The following WDHD1 variants were observed in gnomAD, a reference collection of about 807,000 sequenced individuals.
WDHD1 encodes WD repeat and HMG-box DNA binding protein 1.
A neutral mutation model predicts 135.4 loss-of-function variants in WDHD1; 111 were observed. That is an observed-to-expected ratio of 0.82 (90% CI 0.70 to 0.96). The LOEUF is 0.96. Ranked by LOEUF, WDHD1 falls within the 40% of genes least tolerant of loss-of-function variation. The pLI is 0.00. For missense variants in WDHD1, 1,351 were observed against 1,336.3 expected (o/e 1.01, Z -0.17); for synonymous variants, 434 against 439.0 (o/e 0.99, Z 0.14).
At chr14:54,983,849 G>T (rs1372350466) in intron 15 of WDHD1, among the ~76,000 whole-genome samples, 3 of 152,034 alleles carry the variant, frequency 2.0e-5, no homozygotes, top group Non-Finnish European at 4.4e-5. Context: ...AGAAAAAAAG[G>T]ATGAAGTTAA....
chr14:54,968,554 G>A (rs2041381393), intron 16 of WDHD1, among the ~76,000 whole-genome samples: 1 of 151,686 alleles, frequency 6.6e-6, no homozygotes. Flanking sequence ...TCCATACAAA[G>A]GATCAATAAA....
At chr14:54,971,712 CAAAAAAAA>C (rs1195129802) in intron 16 of WDHD1, among the ~76,000 whole-genome samples, 1 of 42,278 alleles carries the variant, frequency 2.4e-5, no homozygotes, top group Non-Finnish European at 4.3e-5. Context: ...GACTCTGCCT[CAAAAAAAA>C]AAAAAAAAAA....
intron 18 of WDHD1, among the ~76,000 whole-genome samples, chr14:54,963,692 C>A (rs1008473975): frequency 1.3e-5 from 2 of 149,952 alleles, no homozygotes; most frequent in East Asian, 2.0e-4. Flanking sequence ...CCCAGCTACT[C>A]GGGAAGCTGA....
chr14:54,982,904 C>T (rs2041641008), intron 15 of WDHD1, among the ~76,000 whole-genome samples: 1 of 152,166 alleles, frequency 6.6e-6, no homozygotes, highest in South Asian at 2.1e-4. Flanking sequence ...GTGGCTCACT[C>T]CTGTAATCCC....
intron 16 of WDHD1, among the ~76,000 whole-genome samples, chr14:54,973,350 C>A (rs943914): frequency 0.34 from 51,041 of 151,924 alleles, 8,862 homozygotes; most frequent in African/African-American, 0.43. Flanking sequence ...AAGTAAGTGA[C>A]AATGTCTAGT....
At chr14:54,996,798 T>C (rs1206471501) in intron 10 of WDHD1, among the ~76,000 whole-genome samples, 1 of 152,160 alleles carries the variant, frequency 6.6e-6, no homozygotes, top group Admixed American at 6.5e-5. Flanking sequence ...TTTTCATTTA[T>C]TTATTTTTTG....
At chr14:54,957,773 C>T in intron 21 of WDHD1, 138 bp from the exon 22 acceptor site, 1 of 658,022 alleles carries the variant, frequency 1.5e-6, no homozygotes. Flanking sequence ...CTATTAACAA[C>T]AGATATCCTC....
At chr14:54,975,793 G>A (rs2041515362) in intron 16 of WDHD1, among the ~76,000 whole-genome samples, 1 of 151,828 alleles carries the variant, frequency 6.6e-6, no homozygotes, top group Non-Finnish European at 1.5e-5. Context: ...TGTCTTTTAA[G>A]TAGCTGGTAT....
Position 54,989,058 on chromosome 14 carries a change from A to C in WDHD1, c.1496T>G (p.Leu499Trp). 6.2e-7 allele frequency: 1 copy of C among 1,612,628 alleles called. No homozygotes were observed. Among genetic ancestry groups the C allele is most frequent in the Non-Finnish European group, 8.5e-7 (1 of 1,179,138 alleles). Residue 499 changes from leucine to tryptophan, a missense_variant, in exon 13 of 26, where the codon TTG becomes TGG. Physicochemically the swap from Leu to Trp is moderately conservative, Grantham distance 61 (BLOSUM62 -2). Coordinates refer to ENST00000360586, the MANE Select transcript of WDHD1 (RefSeq NM_007086.4). ...TAGTTCATCAGTGCTTTCACATGCC[A>C]ACAAAATAGCTTCGTGGGAAAGATC... ...IADLSHEAIL[L>W]ACESTDELAS...
At chr14:55,005,586 C>T (rs2042052199) in intron 7 of WDHD1, 4 of 600,916 alleles carry the variant, frequency 6.7e-6, no homozygotes, top group African/African-American at 5.5e-5. Context: ...ATGTACTGTC[C>T]CATCTGGAAG....
chr14:54,962,383 A>C (rs2041265986), intron 21 of WDHD1, 115 bp downstream of exon 21: 2 of 790,126 alleles, frequency 2.5e-6, no homozygotes, highest in African/African-American at 3.5e-5. Context: ...CAAAAACATA[A>C]ACACACACAC....
intron 8 of WDHD1, 151 bp from the exon 9 acceptor site, chr14:55,001,143 T>C (rs1038245440): frequency 1.8e-5 from 8 of 437,370 alleles, no homozygotes; most frequent in Non-Finnish European, 3.2e-5. Flanking sequence ...TGTTCTATAT[T>C]ATTTCTAATT....
In WDHD1 at chr14:54,987,170, G is replaced by C; in HGVS notation, c.1744C>G (p.Gln582Glu). ...PVVSMAGHGE[Q>E]LFIVYHRGTG... ...CCTCTGTGATAAACAATGAAAAGCT[G>C]TTCTCCATGTCCTGCCATTGACACC... The change falls in exon 14 of 26, where the codon CAG becomes GAG. Residue 582 changes from glutamine (Q) to glutamate (E), a missense_variant. This residue lies in a region of WDHD1 where 1,330 missense variants were observed against 1,296.1 expected (regional missense o/e 1.03). Coordinates refer to ENST00000360586, the MANE Select transcript of WDHD1 (RefSeq NM_007086.4). 1 of 1,614,094 alleles carries C rather than the reference G, an allele frequency of 6.2e-7. No individual in the cohort carries two copies. The highest frequency in any genetic ancestry group is 1.1e-5 in the South Asian group (1 of 91,086).
intron 16 of WDHD1, among the ~76,000 whole-genome samples, chr14:54,970,132 T>C (rs374414493): frequency 2.6e-5 from 4 of 152,154 alleles, no homozygotes; most frequent in African/African-American, 9.7e-5. Flanking sequence ...CCCTTAAGAA[T>C]TGGAATAAGA....
chr14:55,008,932 G>C (rs962235823), intron 4 of WDHD1, among the ~76,000 whole-genome samples: 1 of 152,024 alleles, frequency 6.6e-6, no homozygotes, highest in Non-Finnish European at 1.5e-5. Flanking sequence ...GAGTAGCTGG[G>C]ATTACAGGTG....
intron 16 of WDHD1, among the ~76,000 whole-genome samples, chr14:54,979,464 A>C (rs1324806601): frequency 6.6e-6 from 1 of 151,858 alleles, no homozygotes; most frequent in Admixed American, 6.6e-5. Context: ...CCCAATAGTC[A>C]AATTTCTTGA....
chr14:55,013,647 T>A, intron 2 of WDHD1, 51 bp from the exon 3 acceptor site: 1 of 1,374,586 alleles, frequency 7.3e-7, no homozygotes, highest in Non-Finnish European at 1.0e-6. Flanking sequence ...GTCTCATGCC[T>A]ATAATGCTAG....
chr14:55,019,137 CTG>C (rs2042304733), intron 2 of WDHD1, among the ~76,000 whole-genome samples: 1 of 152,186 alleles, frequency 6.6e-6, no homozygotes, highest in Admixed American at 6.5e-5. Flanking sequence ...TAAAATAACA[CTG>C]TATTAAAAAT....
At chr14:54,998,921 TC>T (rs2041934767) in intron 10 of WDHD1, among the ~76,000 whole-genome samples, 1 of 152,192 alleles carries the variant, frequency 6.6e-6, no homozygotes, top group South Asian at 2.1e-4. Context: ...TAGACACTGT[TC>T]TAACTATACA....
Sources: gnomAD v4.1 joint callset for allele counts (sites outside exome capture counted in the v4.1 genomes callset) on GRCh38, gnomAD v4.1.1 for gene constraint, gnomAD v4.1.1 regional missense constraint, MANE v1.5 for transcripts, NCBI Gene and HGNC (gene_info 2026-07-23, HGNC 2026-07-21) for gene names.